SVEP1: variants seen among roughly 807,000 people sequenced by gnomAD.
The protein encoded by SVEP1 is sushi, von Willebrand factor type A, EGF and pentraxin domain containing 1, also known as sushi, von Willebrand factor type A, EGF and pentraxin domain-containing protein 1.
In SVEP1, 164 loss-of-function variants were observed where a neutral mutation model predicts 367.3. That is an observed-to-expected ratio of 0.45 (90% CI 0.39 to 0.51). SVEP1 has a LOEUF of 0.51. SVEP1 is among the 20% of genes least tolerant of loss of function. The pLI is 0.00. For synonymous variants in SVEP1, 1,666 were observed against 1,611.6 expected (o/e 1.03, Z -0.81); for missense variants, 4,117 against 4,425.3 (o/e 0.93, Z 1.98).
Position 110,416,996 on chromosome 9 carries a change from C to T in SVEP1, c.5976-5261G>A, listed in dbSNP as rs192998480. ...GATGTCCTTGGAGGGCAATATTGTC[C>T]TTGATTGAGGATCACTAAATTAGAC... On this transcript the variant is annotated intron_variant, in intron 36 of 47. Transcript: ENST00000374469. Among the ~76,000 whole-genome samples, 155 of 152,142 alleles carry T rather than the reference C, an allele frequency of 1.0e-3. 1 individual carries two copies. The highest frequency in any genetic ancestry group is 1.9e-3 in the Non-Finnish European group (128 of 68,030).
In SVEP1 at chr9:110,429,396, T is replaced by C. The variant is rs536278160; in HGVS notation, c.5616-62A>G. ...GCTTTATTTTGCATGCCGTTATCTGTGCCAAAAACCTCTAAAAATATTAAG... is the reference window on the plus strand; with the variant it reads ...GCTTTATTTTGCATGCCGTTATCTGCGCCAAAAACCTCTAAAAATATTAAG... On this transcript the variant is annotated intron_variant, in intron 34 of 47. Transcript: ENST00000374469. 4 of 1,195,206 alleles carry C rather than the reference T, an allele frequency of 3.3e-6. No individual in the cohort carries two copies. The East Asian group carries it at 8.2e-5, about 24-fold the overall frequency. The allele number at this position is 1,195,206 out of a possible 1,614,324, so 74.0% of individuals were successfully genotyped here. A position where few individuals can be genotyped will look rare whatever the true frequency, so the allele number is the denominator to read the frequency against.
chr9:110,520,001 T>C (rs1167810790), intron 3 of SVEP1, among the ~76,000 whole-genome samples: 4 of 152,180 alleles, frequency 2.6e-5, no homozygotes, highest in African/African-American at 9.7e-5. Flanking sequence ...ATATGAATGG[T>C]CAGATTCTGG....
At chr9:110,410,664 ATCT>A (rs1254812789) in intron 37 of SVEP1, among the ~76,000 whole-genome samples, 20 of 152,204 alleles carry the variant, frequency 1.3e-4, no homozygotes, top group African/African-American at 4.8e-4. Flanking sequence ...ATTCATAATC[ATCT>A]TCATTAATTT....
intron 17 of SVEP1, 78 bp downstream of exon 17, chr9:110,468,862 G>T: frequency 7.1e-7 from 1 of 1,406,228 alleles, no homozygotes; most frequent in Non-Finnish European, 9.5e-7. Context: ...GTTGGGTGAA[G>T]AAAATAAATC....
chr9:110,522,754 G>T (rs1829892741), intron 3 of SVEP1, among the ~76,000 whole-genome samples: 1 of 152,072 alleles, frequency 6.6e-6, no homozygotes, highest in Admixed American at 6.6e-5. Context: ...TAACATTCAG[G>T]CTGTAGTTGG....
rs1395696282 is a variant in SVEP1, at chr9:110,366,350, CAT to C, written c.*187_*188del. 4 of 445,648 alleles carry C rather than the reference CAT, an allele frequency of 9.0e-6. No homozygotes were observed. In the Admixed American group the frequency reaches 1.2e-4, roughly 14 times the overall value. 27.6% of individuals were successfully genotyped at this position (445,648 alleles called of 1,614,324 possible). Reference sequence around the variant, plus strand: ...ATACAGGCATATTTAAAAATGGAAACATGTAAGAAAGTATGTCACAAGGAATA... The same window carrying C: ...ATACAGGCATATTTAAAAATGGAAACGTAAGAAAGTATGTCACAAGGAATA... On this transcript the variant is annotated 3_prime_UTR_variant, in exon 48 of 48. Transcript: ENST00000374469.
intron 46 of SVEP1, among the ~76,000 whole-genome samples, chr9:110,371,354 A>C (rs929861074): frequency 4.6e-5 from 7 of 152,170 alleles, no homozygotes; most frequent in Non-Finnish European, 7.3e-5. Flanking sequence ...TAAAAGCTTA[A>C]GCCTCCTTCC....
Position 110,407,819 on chromosome 9 carries a change from T to G in SVEP1, c.7781A>C (p.Gln2594Pro). The change falls in exon 38 of 48, where the codon CAG (glutamine) becomes CCG (proline). Residue 2594 changes from glutamine (Q) to proline (P), a missense_variant. By Grantham distance (76) the Gln-to-Pro change is moderately conservative (BLOSUM62 -1). This residue lies in a region of SVEP1 where 1,765 missense variants were observed against 1,781.1 expected (regional missense o/e 0.99). Transcript: ENST00000374469. Reference sequence around the variant, plus strand: ...TGACCATCCTGACTCTTCACAGGTCTGCATGGCATGACCAGCCACCTGAAA... The same window carrying G: ...TGACCATCCTGACTCTTCACAGGTCGGCATGGCATGACCAGCCACCTGAAA... ...PGFQVAGHAM[Q>P]TCEESGWSSS... 1.2e-6 allele frequency: 2 copies of G among 1,614,022 alleles called. No individual in the cohort carries two copies. The highest frequency in any genetic ancestry group is 2.2e-5 in the East Asian group (1 of 44,880).
chr9:110,561,169 G>C (rs187643193), intron 1 of SVEP1, among the ~76,000 whole-genome samples: 1 of 152,020 alleles, frequency 6.6e-6, no homozygotes, highest in African/African-American at 2.4e-5. Flanking sequence ...TACACCATGC[G>C]TTCTTGATGT....
rs780181435 is a variant in SVEP1, at chr9:110,458,989, G to A, written c.3447C>T (p.Thr1149=). 5.0e-6 allele frequency: 8 copies of A among 1,613,658 alleles called. No homozygotes were observed. Among genetic ancestry groups the A allele is most frequent in the Middle Eastern group, 3.3e-4 (2 of 6,082 alleles). ...FCLACPFYGT[T]PFAGSRSITE... ...TGATGGATCTGGAACCAGCGAATGG[G>A]GTAGTTCCATAAAAGGGACAGGCCA... Residue 1149 remains threonine (T), a synonymous_variant, in exon 19 of 48, where the codon ACC becomes ACT. Transcript: ENST00000374469.
chr9:110,416,946 C>T (rs1828130233), intron 36 of SVEP1, among the ~76,000 whole-genome samples: 1 of 151,968 alleles, frequency 6.6e-6, no homozygotes, highest in Non-Finnish European at 1.5e-5. Flanking sequence ...GTTGTGACAA[C>T]CAAAAATGTC....
intron 1 of SVEP1, among the ~76,000 whole-genome samples, chr9:110,572,789 CAAAAAAAA>C (rs56077443): frequency 2.1e-4 from 16 of 76,514 alleles, no homozygotes; most frequent in Admixed American, 4.3e-4. Context: ...CTCTCTCTCA[CAAAAAAAA>C]AAAAAAAAAA....
intron 1 of SVEP1, among the ~76,000 whole-genome samples, chr9:110,563,749 T>C (rs1830456953): frequency 6.6e-6 from 1 of 152,172 alleles, no homozygotes; most frequent in Admixed American, 6.5e-5. Flanking sequence ...GGCTACTTCC[T>C]CCAACATTAC....
chr9:110,388,129 T>C (rs1827554082), intron 41 of SVEP1, among the ~76,000 whole-genome samples: 2 of 151,510 alleles, frequency 1.3e-5, no homozygotes, highest in South Asian at 4.1e-4. Context: ...AATATAAAAT[T>C]ATCAGAAGGT....
intron 3 of SVEP1, 125 bp from the exon 4 acceptor site, chr9:110,514,231 G>T (rs1829765752): frequency 1.5e-6 from 2 of 1,305,246 alleles, no homozygotes; most frequent in East Asian, 2.5e-5. Flanking sequence ...GGTGATGTAG[G>T]CTGGGTGTGG....
chr9:110,432,408 G>A, intron 31 of SVEP1, 54 bp downstream of exon 31: 1 of 1,539,940 alleles, frequency 6.5e-7, no homozygotes, highest in Non-Finnish European at 8.7e-7. Flanking sequence ...TGGGATGACT[G>A]TCATCTACAG....
intron 8 of SVEP1, among the ~76,000 whole-genome samples, chr9:110,495,092 C>A (rs1829426227): frequency 6.6e-6 from 1 of 152,204 alleles, no homozygotes; most frequent in Non-Finnish European, 1.5e-5. Flanking sequence ...GGTTTGATCA[C>A]TTTCTGAACA....
At chr9:110,424,349 G>C (rs1157375464) in intron 36 of SVEP1, among the ~76,000 whole-genome samples, 2 of 40,396 alleles carry the variant, frequency 5.0e-5, no homozygotes, top group African/African-American at 3.7e-4. Flanking sequence ...AGGGATAAAT[G>C]TAAAAAAAAT....
chr9:110,458,989 G>C lies in SVEP1; in HGVS notation c.3447C>G (p.Thr1149=), dbSNP rs780181435. 6.2e-7 allele frequency: 1 copy of C among 1,613,776 alleles called. No individual in the cohort carries two copies. The highest frequency in any genetic ancestry group is 8.5e-7 in the Non-Finnish European group (1 of 1,179,750). The change falls in exon 19 of 48, where the codon ACC becomes ACG. Residue 1149 remains threonine, a synonymous_variant. Transcript: ENST00000374469. Reference sequence around the variant, plus strand: ...TGATGGATCTGGAACCAGCGAATGGGGTAGTTCCATAAAAGGGACAGGCCA... The same window carrying C: ...TGATGGATCTGGAACCAGCGAATGGCGTAGTTCCATAAAAGGGACAGGCCA... ...FCLACPFYGT[T]PFAGSRSITE...
Sources: gnomAD v4.1 joint callset for allele counts (sites outside exome capture counted in the v4.1 genomes callset) on GRCh38, gnomAD v4.1.1 for gene constraint, gnomAD v4.1.1 regional missense constraint, MANE v1.5 for transcripts, NCBI Gene and HGNC (gene_info 2026-07-23, HGNC 2026-07-21) for gene names.